Variants in IL36B observed in about 807,000 individuals in gnomAD.
The protein encoded by IL36B is interleukin-36 beta.
IL36B carries 23 observed loss-of-function variants against 19.3 expected under a neutral mutation model. The observed-to-expected ratio is 1.19, with a 90% CI of 0.86 to 1.69. The LOEUF is 1.69. IL36B is among the 40% of genes most tolerant of loss of function. IL36B has a pLI of 0.00. For synonymous variants in IL36B, 59 were observed against 59.7 expected, an observed-to-expected ratio of 0.99 and a Z score of 0.05; for missense variants, 217 against 200.5, an observed-to-expected ratio of 1.08 and a Z score of -0.50.
At chr2:113,037,857 A>G (rs1685189182) in intron 1 of IL36B, among the ~76,000 whole-genome samples, 4 of 152,206 alleles carry the variant, frequency 2.6e-5, no homozygotes. Flanking sequence ...ATCAAATTAT[A>G]TACTACATTT....
intron 4 of IL36B, among the ~76,000 whole-genome samples, chr2:113,028,546 G>A (rs1038498411): frequency 6.6e-6 from 1 of 152,140 alleles, no homozygotes; most frequent in Non-Finnish European, 1.5e-5. Flanking sequence ...ATGTGTTTAT[G>A]GTACACAGAC....
chr2:113,030,570 T>C (rs931234035), intron 3 of IL36B, among the ~76,000 whole-genome samples: 1 of 152,186 alleles, frequency 6.6e-6, no homozygotes, highest in African/African-American at 2.4e-5. Flanking sequence ...AGCGAGGAAT[T>C]AAACATTGAA....
Position 113,022,508 on chromosome 2 carries a change from A to C in IL36B, c.*166T>G. 1 of 562,296 alleles carries C rather than the reference A, an allele frequency of 1.8e-6. No individual in the cohort carries two copies. Among genetic ancestry groups the C allele is most frequent in the East Asian group, 3.1e-5 (1 of 32,264 alleles). The allele number at this position is 562,296 out of a possible 1,614,324, so 34.8% of individuals were successfully genotyped here. A position where few individuals can be genotyped will look rare whatever the true frequency, so the allele number is the denominator to read the frequency against. On this transcript the variant is annotated 3_prime_UTR_variant, in exon 6 of 6. Coordinates refer to ENST00000259213, the MANE Select transcript of IL36B (RefSeq NM_014438.5). Reference sequence around the variant, plus strand: ...AGACTCCGACCTTCTCTAGCTTTACAGGTAAGATTTACCAACTCTTTAAAA... The same window carrying C: ...AGACTCCGACCTTCTCTAGCTTTACCGGTAAGATTTACCAACTCTTTAAAA...
intron 1 of IL36B, among the ~76,000 whole-genome samples, chr2:113,035,551 A>T (rs1219221852): frequency 1.3e-5 from 2 of 152,162 alleles, no homozygotes; most frequent in Non-Finnish European, 2.9e-5. Flanking sequence ...TTTGGCAGGG[A>T]TGTTGTTAGA....
chr2:113,050,386 G>A (rs909681630), intron 1 of IL36B, among the ~76,000 whole-genome samples: 6 of 151,962 alleles, frequency 3.9e-5, no homozygotes, highest in East Asian at 1.9e-4. Context: ...TATATGAGGC[G>A]CCTAAAGCAG....
chr2:113,024,663 T>C (rs1684921320), intron 5 of IL36B, among the ~76,000 whole-genome samples: 1 of 152,226 alleles, frequency 6.6e-6, no homozygotes, highest in Admixed American at 6.5e-5. Flanking sequence ...CTCACTCCTC[T>C]GGCAGAGGGC....
chr2:113,035,691 T>G (rs1040748834), intron 1 of IL36B, among the ~76,000 whole-genome samples: 1 of 151,976 alleles, frequency 6.6e-6, no homozygotes, highest in Non-Finnish European at 1.5e-5. Context: ...GGTAAATAAA[T>G]GGGTGAGATA....
chr2:113,032,997 G>C (rs1371570902), intron 1 of IL36B, among the ~76,000 whole-genome samples: 1 of 152,154 alleles, frequency 6.6e-6, no homozygotes, highest in Admixed American at 6.5e-5. Context: ...GGTCTTCCTT[G>C]GAGGCAGAGG....
intron 5 of IL36B, among the ~76,000 whole-genome samples, chr2:113,024,797 A>G (rs889458777): frequency 6.6e-6 from 1 of 152,212 alleles, no homozygotes; most frequent in African/African-American, 2.4e-5. Context: ...TTTCATCACC[A>G]TCTTCCTATA....
At chr2:113,046,731 G>C (rs915417803) in intron 1 of IL36B, among the ~76,000 whole-genome samples, 1 of 152,152 alleles carries the variant, frequency 6.6e-6, no homozygotes, top group African/African-American at 2.4e-5. Context: ...AGATCACAGA[G>C]ATAAAATGCT....
At chr2:113,050,954 G>T (rs1333163117) in intron 1 of IL36B, among the ~76,000 whole-genome samples, 1 of 151,694 alleles carries the variant, frequency 6.6e-6, no homozygotes, top group African/African-American at 2.4e-5. Context: ...GCCTCTCAGC[G>T]TGGCCTCCCG....
intron 1 of IL36B, among the ~76,000 whole-genome samples, chr2:113,041,727 CAAAT>C (rs1253477167): frequency 1.3e-5 from 2 of 152,142 alleles, no homozygotes; most frequent in African/African-American, 4.8e-5. Flanking sequence ...GTATAATTGA[CAAAT>C]AAAAAGTTAA....
At chr2:113,031,187 G>C (rs371302569) in intron 2 of IL36B, 32 bp from the exon 3 acceptor site, 1 of 1,475,440 alleles carries the variant, frequency 6.8e-7, no homozygotes, top group Non-Finnish European at 9.5e-7. Context: ...CAAAATACAC[G>C]TGAGGTTATC....
chr2:113,033,083 T>A (rs963201949), intron 1 of IL36B, among the ~76,000 whole-genome samples: 3 of 152,242 alleles, frequency 2.0e-5, no homozygotes, highest in Admixed American at 2.0e-4. Flanking sequence ...TGTTTGCATC[T>A]GATGTTAGGC....
At chr2:113,039,812 CT>C (rs1685224153) in intron 1 of IL36B, among the ~76,000 whole-genome samples, 1 of 152,268 alleles carries the variant, frequency 6.6e-6, no homozygotes, top group South Asian at 2.1e-4. Context: ...ACTGAGTTGG[CT>C]TGTATTGGAT....
At chr2:113,024,393 T>G (rs1382984654) in intron 5 of IL36B, among the ~76,000 whole-genome samples, 1 of 152,224 alleles carries the variant, frequency 6.6e-6, no homozygotes, top group East Asian at 1.9e-4. Context: ...TATGTTGGCC[T>G]TATTTTTTCC....
chr2:113,027,777 T>C (rs1684991097), intron 4 of IL36B: 2 of 1,470,854 alleles, frequency 1.4e-6, no homozygotes, highest in Admixed American at 2.5e-5. Context: ...TTTTGGATAG[T>C]AAGAATGAGG....
intron 1 of IL36B, among the ~76,000 whole-genome samples, chr2:113,036,761 G>A (rs751483761): frequency 2.6e-5 from 4 of 152,236 alleles, no homozygotes; most frequent in Non-Finnish European, 5.9e-5. Context: ...TCTTTAAGCT[G>A]AGAGCCCAGA....
At chr2:113,025,925 G>A (rs560589072) in intron 5 of IL36B, among the ~76,000 whole-genome samples, 3 of 152,282 alleles carry the variant, frequency 2.0e-5, no homozygotes, top group Admixed American at 6.5e-5. Flanking sequence ...ACATGAGAAG[G>A]GACTGGGGAA....
Sources: gnomAD v4.1 joint callset for allele counts (sites outside exome capture counted in the v4.1 genomes callset) on GRCh38, gnomAD v4.1.1 for gene constraint, MANE v1.5 for transcripts, NCBI Gene and HGNC (gene_info 2026-07-23, HGNC 2026-07-21) for gene names.